Variants in SART3 observed in about 807,000 individuals in gnomAD.
The protein encoded by SART3 is HIV-1 Tat-interacting protein of 110kDa.
In SART3, 44 loss-of-function variants were observed where a neutral mutation model predicts 122.3. The observed-to-expected ratio is 0.36, with a 90% CI of 0.28 to 0.46. SART3 has a LOEUF of 0.46. Among genes scored for constraint, SART3 ranks in the 20% least tolerant of loss-of-function variants. The pLI is 1.00. For synonymous variants in SART3, 442 were observed against 454.0 expected, an observed-to-expected ratio of 0.97 and a Z score of 0.34; for missense variants, 1,101 against 1,229.0, an observed-to-expected ratio of 0.90 and a Z score of 1.56.
intron 5 of SART3, among the ~76,000 whole-genome samples, 190 bp downstream of exon 5, chr12:108,544,237 A>T (rs1363940084): frequency 2.0e-5 from 3 of 152,108 alleles, no homozygotes; most frequent in African/African-American, 7.2e-5. Flanking sequence ...GACCCTCACA[A>T]CCCTCTTAAG....
At chr12:108,539,147 G>A in intron 6 of SART3, 58 bp from the exon 7 acceptor site, 1 of 1,590,840 alleles carries the variant, frequency 6.3e-7, no homozygotes, top group Non-Finnish European at 8.6e-7. Flanking sequence ...CAACACATCT[G>A]CAAATAAAAT....
rs1391831719 is a variant in SART3 at position 108,558,927 on chromosome 12, G to A, written c.312+1916C>T. On this transcript the variant is annotated intron_variant, in intron 1 of 18. Transcript: ENST00000546815. ...GGGCGCCTGTAGTCCCAGCTACTCG[G>A]GGGGCTGAGGCAGGAGAATGGCATG... Among the ~76,000 whole-genome samples, 3 of 152,008 alleles carry A rather than the reference G, an allele frequency of 2.0e-5. No homozygotes were observed. In the East Asian group the frequency reaches 5.8e-4, roughly 30 times the overall value.
In SART3 at chr12:108,536,729, G is replaced by C. The variant is rs750302635; in HGVS notation, c.1366C>G (p.Leu456Val). Residue 456 changes from leucine to valine, a missense_variant, in exon 10 of 19, where the codon CTG becomes GTG. Around this residue, in one of 2 missense-constraint regions of SART3, gnomAD observed 885 missense variants for 1,080.1 expected, o/e 0.82. Transcript: ENST00000546815. Reference protein sequence around the residue: ...RAAFTRALEYLKQEVEERFNE... With the variant: ...RAAFTRALEYVKQEVEERFNE... ...TTACGCTCTTCCACCTCCTGCTTCAGATACTCCAAGGCACGAGTAAAGGCG... is the reference window on the plus strand; with the variant it reads ...TTACGCTCTTCCACCTCCTGCTTCACATACTCCAAGGCACGAGTAAAGGCG... 1 of 1,613,964 alleles carries C rather than the reference G, an allele frequency of 6.2e-7. No individual in the cohort carries two copies. Among genetic ancestry groups the C allele is most frequent in the Non-Finnish European group, 8.5e-7 (1 of 1,179,904 alleles).
In SART3 at chr12:108,523,584, C is replaced by T. The variant is rs756524418; in HGVS notation, c.2765G>A (p.Arg922His). 6 of 1,613,888 alleles carry T rather than the reference C, an allele frequency of 3.7e-6. No individual in the cohort carries two copies. Among genetic ancestry groups the T allele is most frequent in the Middle Eastern group, 1.6e-4 (1 of 6,080 alleles). The change falls in exon 19 of 19, where the codon CGC becomes CAC. Residue 922 changes from arginine to histidine, a missense_variant. By Grantham distance (29) the Arg-to-His change is conservative. This residue lies in a region of SART3 where 885 missense variants were observed against 1,080.1 expected (regional missense o/e 0.82). Coordinates refer to ENST00000546815, the MANE Select transcript of SART3 (RefSeq NM_014706.4). Reference protein sequence around the residue: ...QLSLLPRALQRPSAAAPQAEN... With the variant: ...QLSLLPRALQHPSAAAPQAEN... ...AGCCTGAGGAGCTGCAGCACTTGGG[C>T]GCTGCAGGGCACGAGGCAGTAGAGA... is the stretch of plus-strand genomic sequence containing the variant.
At chr12:108,554,131 C>CCCCCCCCCCCCCCCCCCGA (rs1555206479) in intron 1 of SART3, 1 of 143,356 alleles carries the variant, frequency 7.0e-6, no homozygotes. Flanking sequence ...TCAGAGGGCG[C>CCCCCCCCCCCCCCCCCCGA]CCCCGGCCCC....
intron 12 of SART3, among the ~76,000 whole-genome samples, chr12:108,534,743 C>T (rs1872831593): frequency 6.6e-6 from 1 of 152,126 alleles, no homozygotes; most frequent in Non-Finnish European, 1.5e-5. Context: ...AATTTGGGCA[C>T]ACAGTGTTTT....
intron 2 of SART3, among the ~76,000 whole-genome samples, chr12:108,548,515 C>T (rs1482397352): frequency 6.6e-6 from 1 of 152,212 alleles, no homozygotes; most frequent in Non-Finnish European, 1.5e-5. Context: ...CCAGCATCTA[C>T]ACTCGGCAGT....
intron 13 of SART3, 31 bp from the exon 14 acceptor site, chr12:108,531,311 C>A (rs1872669555): frequency 1.9e-6 from 3 of 1,569,348 alleles, no homozygotes; most frequent in East Asian, 4.5e-5. Context: ...AACTTTCACT[C>A]TTTAGGATTT....
intron 6 of SART3, among the ~76,000 whole-genome samples, chr12:108,540,388 A>C (rs1873104111): frequency 6.6e-6 from 1 of 152,198 alleles, no homozygotes; most frequent in Non-Finnish European, 1.5e-5. Context: ...AAAATCTGTT[A>C]CCAGCAAATC....
rs1187955170 is a variant in SART3 at position 108,524,481 on chromosome 12, T to C, written c.2549A>G (p.Asn850Ser). ...CACAGCCTGCGACGCCTGGGATTCA[T>C]TTTCATACTCCACGTAGGCCAGGCC... ...PKGLAYVEYE[N>S]ESQASQAVMK... The change falls in exon 18 of 19, where the codon AAT becomes AGT. Residue 850 changes from asparagine (N) to serine (S), a missense_variant. Asn to Ser is a conservative substitution (Grantham distance 46). Transcript: ENST00000546815. 1 of 1,614,188 alleles carries C rather than the reference T, an allele frequency of 6.2e-7. No individual in the cohort carries two copies. The highest frequency in any genetic ancestry group is 2.2e-5 in the East Asian group (1 of 44,882).
intron 12 of SART3, among the ~76,000 whole-genome samples, chr12:108,534,903 A>C (rs1339178745): frequency 1.3e-5 from 2 of 152,218 alleles, no homozygotes; most frequent in African/African-American, 4.8e-5. Flanking sequence ...TATTTCGTTC[A>C]AATAGTTTTA....
At chr12:108,529,945 C>G (rs1872582259) in intron 15 of SART3, among the ~76,000 whole-genome samples, 197 bp downstream of exon 15, 1 of 152,188 alleles carries the variant, frequency 6.6e-6, no homozygotes, top group Non-Finnish European at 1.5e-5. Context: ...TAGCTCATTG[C>G]TAACCCCGGC....
intron 12 of SART3, among the ~76,000 whole-genome samples, chr12:108,534,496 T>C (rs1295373288): frequency 1.3e-5 from 2 of 151,014 alleles, no homozygotes; most frequent in East Asian, 3.9e-4. Context: ...ATGGTGAAAC[T>C]GTGCCTCTTC....
chr12:108,531,978 C>G lies in SART3; in HGVS notation c.1669+244G>C, dbSNP rs570584706. On this transcript the variant is annotated intron_variant, in intron 13 of 18. Transcript: ENST00000546815. ...CTAAACATTGTATAACGCACAGTCC[C>G]CCCCACAGAGAATTAGAACCCTGTG... 21 of 489,480 alleles carry G rather than the reference C, an allele frequency of 4.3e-5. No homozygotes were observed. The Admixed American group carries it at 5.7e-4, about 13-fold the overall frequency. The allele number at this position is 489,480 out of a possible 1,614,324, so 30.3% of individuals were successfully genotyped here.
intron 9 of SART3, chr12:108,537,128 G>C (rs1372953954): frequency 2.8e-5 from 12 of 428,914 alleles, no homozygotes; most frequent in Non-Finnish European, 1.3e-5. Context: ...GGGTTTTCTG[G>C]TTGTTTTCGG....
At chr12:108,551,888 A>T (rs536373145) in intron 1 of SART3, among the ~76,000 whole-genome samples, 12 of 152,320 alleles carry the variant, frequency 7.9e-5, no homozygotes, top group African/African-American at 2.4e-4. Context: ...TTTACAAATT[A>T]AAAAAAGTGA....
chr12:108,526,322 T>C lies in SART3; in HGVS notation c.2147A>G (p.Gln716Arg). The change falls in exon 16 of 19, where the codon CAG (glutamine) becomes CGG (arginine). Residue 716 changes from glutamine to arginine, a missense_variant. Around this residue, in one of 2 missense-constraint regions of SART3, gnomAD observed 885 missense variants for 1,080.1 expected, o/e 0.82. Coordinates refer to ENST00000546815, the MANE Select transcript of SART3 (RefSeq NM_014706.4). ...TGGCCTGAGCTTCGTGTCCGGCTCC[T>C]GCATGCTGTAGGGCAGGTTGCTGAC... The part of the protein sequence containing the change: ...VFVSNLPYSM[Q>R]EPDTKLRPLF... 1.2e-6 allele frequency: 2 copies of C among 1,614,208 alleles called. No homozygotes were observed. Among genetic ancestry groups the C allele is most frequent in the African/African-American group, 1.3e-5 (1 of 75,054 alleles).
intron 1 of SART3, among the ~76,000 whole-genome samples, chr12:108,550,982 G>A (rs1329678654): frequency 2.0e-5 from 3 of 152,200 alleles, no homozygotes; most frequent in Non-Finnish European, 1.5e-5. Context: ...GCTTTGGTCT[G>A]AATAAACCAA....
At chr12:108,549,045 C>T (rs2029886858) in intron 2 of SART3, 43 bp downstream of exon 2, 2 of 1,613,476 alleles carry the variant, frequency 1.2e-6, no homozygotes, top group Non-Finnish European at 1.7e-6. Flanking sequence ...AATGTGCAAG[C>T]CTTGTTTCTG....
Sources: allele counts gnomAD v4.1 joint callset (sites outside exome capture counted in the v4.1 genomes callset), GRCh38; gene constraint gnomAD v4.1.1; regional missense constraint gnomAD v4.1.1; transcripts MANE v1.5; gene names NCBI Gene and HGNC (gene_info 2026-07-23, HGNC 2026-07-21).